Variants in PCDH11X observed in about 807,000 individuals in gnomAD.
The protein encoded by PCDH11X is protocadherin-11 X-linked.
A neutral mutation model predicts 53.3 loss-of-function variants in PCDH11X; 18 were observed. The observed-to-expected ratio is 0.34, with a 90% confidence interval of 0.23 to 0.50. The LOEUF is 0.50. Ranked by LOEUF, PCDH11X falls within the 20% of genes least tolerant of loss-of-function variation. PCDH11X has a pLI of 0.98. For synonymous variants in PCDH11X, 279 were observed against 393.3 expected (o/e 0.71, Z 3.44); for missense variants, 570 against 1,032.4 (o/e 0.55, Z 6.14).
intron 8 of PCDH11X, among the ~76,000 whole-genome samples, chrX:92,312,340 G>A (rs2068968097): frequency 9.0e-6 from 1 of 110,559 alleles, no homozygotes; most frequent in East Asian, 2.8e-4. Flanking sequence ...GTTCAAGGAG[G>A]GATTTAGTAT....
At chrX:92,180,523 C>T (rs938831678) in intron 6 of PCDH11X, among the ~76,000 whole-genome samples, 6 of 111,059 alleles carry the variant, frequency 5.4e-5, no homozygotes, top group East Asian at 2.8e-4. Flanking sequence ...TTGTAAAGTC[C>T]GATGGCTTTA....
At chrX:91,870,753 G>A (rs1370620446) in intron 5 of PCDH11X, among the ~76,000 whole-genome samples, 1 of 108,369 alleles carries the variant, frequency 9.2e-6, no homozygotes, top group Non-Finnish European at 1.9e-5. Context: ...TTACCCAAAG[G>A]GAGATGGTGT....
chrX:92,153,337 T>C lies in PCDH11X; in HGVS notation c.3034-48038T>C, dbSNP rs2759767. Among the ~76,000 whole-genome samples, 106 of 104,332 alleles carry C rather than the reference T, an allele frequency of 1.0e-3. 1 individual carries two copies. Among genetic ancestry groups the C allele is most frequent in the Middle Eastern group, 4.9e-3 (1 of 204 alleles). 90.6% of individuals were successfully genotyped at this position (104,332 alleles called of 115,157 possible). ...TATATTACATATAAATAAATAAATA[T>C]ACACACACACACACACACACACACA... On this transcript the variant is annotated intron_variant, in intron 6 of 10. Transcript: ENST00000682573.
rs754067838 is a variant in PCDH11X at position 92,011,659 on chromosome X, T to C, written c.3033+132386T>C. Among the ~76,000 whole-genome samples, 525 of 111,311 alleles carry C rather than the reference T, an allele frequency of 4.7e-3. 6 individuals are homozygous for C. The highest frequency in any genetic ancestry group is 0.016 in the African/African-American group (502 of 30,752). ...GAGCAAACACCAAAAACATATCTTC[T>C]TAGTGGATGTCATTTCCCATTTTCC... On this transcript the variant is annotated intron_variant, in intron 6 of 10. Coordinates refer to ENST00000682573, the MANE Select transcript of PCDH11X (RefSeq NM_032968.5).
At chrX:92,578,539 T>C (rs1923251894) in intron 10 of PCDH11X, among the ~76,000 whole-genome samples, 1 of 107,043 alleles carries the variant, frequency 9.3e-6, no homozygotes, top group Non-Finnish European at 1.9e-5. Context: ...TTTGTTTAAA[T>C]AATCTTTTTT....
intron 9 of PCDH11X, among the ~76,000 whole-genome samples, chrX:92,418,360 T>C (rs2754975): frequency 9.0e-6 from 1 of 111,315 alleles, no homozygotes; most frequent in Admixed American, 9.6e-5. Context: ...ATGCAGTCTT[T>C]TTCCTGGAGG....
At chrX:91,855,659 C>G (rs1938289905) in intron 5 of PCDH11X, among the ~76,000 whole-genome samples, 1 of 109,586 alleles carries the variant, frequency 9.1e-6, no homozygotes, top group South Asian at 3.8e-4. Context: ...TTTTTTGGTG[C>G]CCTCTTCAAT....
intron 10 of PCDH11X, among the ~76,000 whole-genome samples, chrX:92,552,821 A>G (rs1255885136): frequency 9.0e-6 from 1 of 111,149 alleles, no homozygotes; most frequent in Non-Finnish European, 1.9e-5. Context: ...TTCTGTTTAT[A>G]TGATTTATCA....
At chrX:91,879,522 T>C in intron 6 of PCDH11X, 1 of 1,079,937 alleles carries the variant, frequency 9.3e-7, no homozygotes, top group South Asian at 2.4e-5. Flanking sequence ...TAGATGGCAG[T>C]ATGACAATTC....
intron 9 of PCDH11X, among the ~76,000 whole-genome samples, chrX:92,392,649 G>T (rs2754897): frequency 9.0e-6 from 1 of 110,590 alleles, no homozygotes; most frequent in Non-Finnish European, 1.9e-5. Context: ...TAATTCTAAA[G>T]GTAGACTACT....
intron 8 of PCDH11X, among the ~76,000 whole-genome samples, chrX:92,275,365 G>T (rs2068062781): frequency 9.3e-6 from 1 of 107,582 alleles, no homozygotes; most frequent in African/African-American, 3.4e-5. Context: ...TGAGAATTAT[G>T]CCGAGATAGG....
intron 6 of PCDH11X, among the ~76,000 whole-genome samples, chrX:92,179,531 G>A (rs2065960570): frequency 8.9e-6 from 1 of 111,778 alleles, no homozygotes; most frequent in African/African-American, 3.2e-5. Flanking sequence ...TCAACCATAT[G>A]CTGGAATGAT....
rs139983781 is a variant in PCDH11X at position 92,174,448 on chromosome X, C to T, written c.3034-26927C>T. Among the ~76,000 whole-genome samples, 79 of 111,083 alleles carry T rather than the reference C, an allele frequency of 7.1e-4. 1 individual carries two copies. The highest frequency in any genetic ancestry group is 2.5e-3 in the African/African-American group (78 of 30,622). ...TAATGTTAACGGGAAAACAGGGTGA[C>T]TGAGTACTGAGGGACCATAATGAGT... On this transcript the variant is annotated intron_variant, in intron 6 of 10. Coordinates refer to ENST00000682573, the MANE Select transcript of PCDH11X (RefSeq NM_032968.5).
intron 7 of PCDH11X, among the ~76,000 whole-genome samples, chrX:92,221,278 AACACAC>A (rs58264678): frequency 0.043 from 3,803 of 87,992 alleles, 162 homozygotes; most frequent in African/African-American, 0.079. Context: ...CATTGTATAC[AACACAC>A]ACACACACAC....
chrX:92,113,359 C>T (rs1167858537), intron 6 of PCDH11X: 28 of 1,196,684 alleles, frequency 2.3e-5, no homozygotes, highest in Middle Eastern at 6.4e-4. Flanking sequence ...CACATCTTTA[C>T]GGCCAAACTG....
rs1457213203 is a variant in PCDH11X at position 92,578,217 on chromosome X, G to C, written c.3368-40047G>C. On this transcript the variant is annotated intron_variant, in intron 10 of 10. Coordinates refer to ENST00000682573, the MANE Select transcript of PCDH11X (RefSeq NM_032968.5). ...ACACACTGAGGTCTATTGGGGGATGGGGGGCTAGGGGAGGGATAGCATTAG... is the reference window on the plus strand; with the variant it reads ...ACACACTGAGGTCTATTGGGGGATGCGGGGCTAGGGGAGGGATAGCATTAG... Among the ~76,000 whole-genome samples, 6 of 98,904 alleles carry C rather than the reference G, an allele frequency of 6.1e-5. No homozygotes were observed. The East Asian group carries it at 1.8e-3, about 30-fold the overall frequency. 85.9% of individuals were successfully genotyped at this position (98,904 alleles called of 115,157 possible). A position where few individuals can be genotyped will look rare whatever the true frequency, so the allele number is the denominator to read the frequency against.
chrX:91,810,077 A>G (rs1441907230), intron 2 of PCDH11X, among the ~76,000 whole-genome samples: 1 of 111,646 alleles, frequency 9.0e-6, no homozygotes, highest in Admixed American at 9.6e-5. Flanking sequence ...TATTTTCCAC[A>G]TAAATATGCA....
intron 4 of PCDH11X, among the ~76,000 whole-genome samples, chrX:91,825,666 G>C (rs1237761531): frequency 9.2e-6 from 1 of 108,754 alleles, no homozygotes; most frequent in East Asian, 2.8e-4. Context: ...GCTGTAGACC[G>C]GAGCTGTTCC....
chrX:92,489,736 A>T (rs2073719536), intron 10 of PCDH11X, among the ~76,000 whole-genome samples: 1 of 105,634 alleles, frequency 9.5e-6, no homozygotes, highest in Non-Finnish European at 1.9e-5. Context: ...AATAAGAGGA[A>T]TTATGCCACA....
Sources: gnomAD v4.1 joint callset for allele counts (sites outside exome capture counted in the v4.1 genomes callset) on GRCh38, gnomAD v4.1.1 for gene constraint, MANE v1.5 for transcripts, NCBI Gene and HGNC (gene_info 2026-07-23, HGNC 2026-07-21) for gene names.